The following NFIA variants were observed in gnomAD, a reference collection of about 807,000 sequenced individuals.
NFIA encodes nuclear factor 1 A-type.
Under a neutral mutation model 62.8 loss-of-function variants are expected in NFIA, and 8 were observed. The ratio of observed to expected loss-of-function variants is 0.13; its 90% CI spans 0.07 to 0.23. NFIA has a LOEUF of 0.23. NFIA is among the 10% of genes least tolerant of loss of function. The pLI, the probability that NFIA is intolerant of heterozygous loss-of-function variation, is 1.00. For synonymous variants in NFIA, 235 were observed against 238.1 expected (o/e 0.99, Z 0.12); for missense variants, 410 against 642.1 (o/e 0.64, Z 3.91).
At chr1:61,159,675 A>G (rs1490612386) in intron 2 of NFIA, among the ~76,000 whole-genome samples, 5 of 134,368 alleles carry the variant, frequency 3.7e-5, no homozygotes, top group Non-Finnish European at 7.7e-5. Flanking sequence ...TAGATAATGT[A>G]GATGCTTTTT....
intron 2 of NFIA, among the ~76,000 whole-genome samples, chr1:61,257,861 G>GTTTTTTTTTTT (rs58077067): frequency 4.7e-5 from 6 of 126,468 alleles, no homozygotes; most frequent in African/African-American, 8.9e-5. Context: ...ATGCTTAGCT[G>GTTTTTTTTTTT]TTTTTTTTTT....
At chr1:61,413,210 CTT>C (rs1666182760) in intron 9 of NFIA, among the ~76,000 whole-genome samples, 1 of 151,860 alleles carries the variant, frequency 6.6e-6, no homozygotes, top group Admixed American at 6.6e-5. Flanking sequence ...ATTTTTATAT[CTT>C]TGATGAATCT....
chr1:61,194,479 C>T (rs569049002), intron 2 of NFIA, among the ~76,000 whole-genome samples: 9 of 152,232 alleles, frequency 5.9e-5, no homozygotes, highest in East Asian at 3.9e-4. Context: ...GTTTCTCCTT[C>T]CCTTATTTAT....
chr1:61,087,467 A>C (rs1646237887), intron 1 of NFIA, among the ~76,000 whole-genome samples: 1 of 152,090 alleles, frequency 6.6e-6, no homozygotes, highest in Non-Finnish European at 1.5e-5. Context: ...TAGCCTAATA[A>C]ATATCAAATT....
At chr1:61,079,344 T>C (rs1379564475), upstream of NFIA, among the ~76,000 whole-genome samples, 5 of 152,236 alleles carry the variant, frequency 3.3e-5, no homozygotes, top group East Asian at 9.6e-4. Flanking sequence ...GATCTCCCTA[T>C]TAAGTAACCT....
chr1:61,346,856 T>A (rs536608669), intron 4 of NFIA, among the ~76,000 whole-genome samples: 58 of 152,176 alleles, frequency 3.8e-4, no homozygotes, highest in African/African-American at 1.4e-3. Context: ...GGGAAACTTA[T>A]AATCATGGCA....
intron 3 of NFIA, among the ~76,000 whole-genome samples, chr1:61,301,761 C>T (rs1186645409): frequency 1.3e-5 from 2 of 152,126 alleles, no homozygotes; most frequent in Admixed American, 6.5e-5. Flanking sequence ...ATTTAGTTCA[C>T]CTCCAAACAG....
At chr1:61,242,421 TAAAAAAC>T (rs1354063826) in intron 2 of NFIA, among the ~76,000 whole-genome samples, 1 of 152,208 alleles carries the variant, frequency 6.6e-6, no homozygotes, top group Admixed American at 6.5e-5. Context: ...AGTTTGAACT[TAAAAAAC>T]AAAGCCTGGA....
chr1:61,080,280 C>A (rs1246755833), upstream of NFIA, among the ~76,000 whole-genome samples: 1 of 150,338 alleles, frequency 6.7e-6, no homozygotes, highest in Non-Finnish European at 1.5e-5. Flanking sequence ...AAATTACTTC[C>A]CCCATTAAAA....
chr1:61,255,891 G>A (rs985030433), intron 2 of NFIA, among the ~76,000 whole-genome samples: 2 of 151,990 alleles, frequency 1.3e-5, no homozygotes, highest in Admixed American at 1.3e-4. Context: ...TTTAATTTGG[G>A]GCTCAAGCTT....
chr1:61,318,397 C>G (rs1660486283), intron 3 of NFIA, among the ~76,000 whole-genome samples: 1 of 152,120 alleles, frequency 6.6e-6, no homozygotes, highest in African/African-American at 2.4e-5. Context: ...ACACTCACTT[C>G]AACGGAAATT....
At chr1:61,443,781 C>G (rs1314142112) in intron 10 of NFIA, among the ~76,000 whole-genome samples, 2 of 152,164 alleles carry the variant, frequency 1.3e-5, no homozygotes, top group Non-Finnish European at 2.9e-5. Context: ...TGTGCCCTTT[C>G]CATTTCTGCC....
At chr1:61,264,682 G>GAAAAA (rs1557670241) in intron 2 of NFIA, among the ~76,000 whole-genome samples, 1 of 131,974 alleles carries the variant, frequency 7.6e-6, no homozygotes, top group Non-Finnish European at 1.6e-5. Context: ...AAAAAAAAAG[G>GAAAAA]ATTTCCCGAA....
intron 6 of NFIA, among the ~76,000 whole-genome samples, chr1:61,366,251 G>A (rs1557735446): frequency 1.3e-5 from 2 of 152,122 alleles, no homozygotes; most frequent in Non-Finnish European, 2.9e-5. Context: ...GACCGCATCT[G>A]CATTAAGTAC....
intron 10 of NFIA, among the ~76,000 whole-genome samples, chr1:61,449,008 A>G (rs1384284571): frequency 2.6e-5 from 4 of 152,204 alleles, no homozygotes; most frequent in Non-Finnish European, 5.9e-5. Context: ...AACCAAACGG[A>G]GGTCTTGGCT....
At chr1:61,140,619 G>A (rs1021920544) in intron 2 of NFIA, among the ~76,000 whole-genome samples, 9 of 152,032 alleles carry the variant, frequency 5.9e-5, no homozygotes, top group Non-Finnish European at 1.0e-4. Flanking sequence ...AGTGATAAAA[G>A]GGGCAAGAAC....
intron 7 of NFIA, among the ~76,000 whole-genome samples, chr1:61,399,912 C>T (rs1665466690): frequency 6.6e-6 from 1 of 152,194 alleles, no homozygotes. Context: ...CAATAATGAT[C>T]CTGACCTTCT....
intron 2 of NFIA, among the ~76,000 whole-genome samples, chr1:61,257,865 T>TG (rs1345148703): frequency 1.4e-4 from 20 of 144,694 alleles, no homozygotes; most frequent in African/African-American, 4.8e-4. Flanking sequence ...TTAGCTGTTT[T>TG]TTTTTTTTTT....
In NFIA at chr1:61,201,590, G is replaced by A. The variant is rs116826688; in HGVS notation, c.560-75930G>A. On this transcript the variant is annotated intron_variant, in intron 2 of 10. Transcript: ENST00000403491. Reference sequence around the variant, plus strand: ...GGGGGCCATCAGGTGGTAAAAGCCTGTTTAATGTAACATCAGTTGTGGAGA... The same window carrying A: ...GGGGGCCATCAGGTGGTAAAAGCCTATTTAATGTAACATCAGTTGTGGAGA... Among the ~76,000 whole-genome samples the A allele has an allele frequency of 4.3e-3, 647 of 152,014 alleles. 1 individual carries two copies. The highest frequency in any genetic ancestry group is 0.015 in the African/African-American group (607 of 41,488).
Sources: allele counts gnomAD v4.1 joint callset (sites outside exome capture counted in the v4.1 genomes callset), GRCh38; gene constraint gnomAD v4.1.1; transcripts MANE v1.5; gene names NCBI Gene and HGNC (gene_info 2026-07-23, HGNC 2026-07-21).